Variants in LRIG1 observed in about 807,000 individuals in gnomAD.
The protein encoded by LRIG1 is leucine-rich repeats and immunoglobulin-like domains protein 1.
In LRIG1, 48 loss-of-function variants were observed where a neutral mutation model predicts 99.2. The ratio of observed to expected loss-of-function variants is 0.48; its 90% CI spans 0.38 to 0.62. The LOEUF (loss-of-function observed/expected upper bound fraction) is 0.62. LRIG1 is among the 20% of genes least tolerant of loss of function. LRIG1 has a pLI of 0.00. For synonymous variants in LRIG1, 772 were observed against 596.1 expected (o/e 1.29, Z -4.30); for missense variants, 1,646 against 1,434.4 (o/e 1.15, Z -2.38).
chr3:66,407,505 G>A lies in LRIG1; in HGVS notation c.936-14C>T, dbSNP rs776414576. ...AAGGACAGGACCCTGAGGAAAGGGAGGGCAGCAATGTCACCATCTAGTGTG... is the reference window on the plus strand; with the variant it reads ...AAGGACAGGACCCTGAGGAAAGGGAAGGCAGCAATGTCACCATCTAGTGTG... On this transcript the variant is annotated splice_polypyrimidine_tract_variant and intron_variant, in intron 7 of 18. Coordinates refer to ENST00000273261, the MANE Select transcript of LRIG1 (RefSeq NM_015541.3). The A allele has an allele frequency of 1.2e-6, 2 of 1,613,386 alleles. No individual in the cohort carries two copies. Among genetic ancestry groups the A allele is most frequent in the Non-Finnish European group, 1.7e-6 (2 of 1,179,562 alleles).
At chr3:66,462,401 A>C in intron 2 of LRIG1, 37 bp downstream of exon 2, 4 of 1,523,940 alleles carry the variant, frequency 2.6e-6, no homozygotes, top group Non-Finnish European at 3.6e-6. Context: ...AGAGCTCTCC[A>C]TCCTTCCATC....
intron 14 of LRIG1, 78 bp downstream of exon 14, chr3:66,383,913 G>A (rs1701232031): frequency 1.9e-6 from 3 of 1,543,332 alleles, no homozygotes; most frequent in Non-Finnish European, 2.6e-6. Flanking sequence ...ACCACCCCTG[G>A]CCACACAGAG....
chr3:66,382,424 C>T (rs778547990), intron 15 of LRIG1, 26 bp from the exon 16 acceptor site: 8 of 1,613,868 alleles, frequency 5.0e-6, no homozygotes, highest in Non-Finnish European at 6.8e-6. Flanking sequence ...ACAAATAGAA[C>T]ACCAGGGTCT....
chr3:66,494,489 A>C (rs943214857), intron 1 of LRIG1, among the ~76,000 whole-genome samples: 8 of 152,212 alleles, frequency 5.3e-5, no homozygotes, highest in African/African-American at 1.7e-4. Context: ...GCCCATTTAG[A>C]AGATATAAAG....
At chr3:66,398,233 AG>A (rs781366844) in intron 10 of LRIG1, 50 bp from the exon 11 acceptor site, 1 of 1,417,448 alleles carries the variant, frequency 7.1e-7, no homozygotes, top group South Asian at 1.2e-5. Context: ...GGTACACCTG[AG>A]GGGTTTTCAG....
At chr3:66,439,729 G>T (rs1012217118) in intron 3 of LRIG1, among the ~76,000 whole-genome samples, 1 of 152,184 alleles carries the variant, frequency 6.6e-6, no homozygotes, top group Non-Finnish European at 1.5e-5. Context: ...GCAAATGACA[G>T]TTGGGTGGGC....
intron 3 of LRIG1, among the ~76,000 whole-genome samples, chr3:66,426,095 A>G (rs1313410602): frequency 6.6e-6 from 1 of 152,204 alleles, no homozygotes; most frequent in East Asian, 1.9e-4. Context: ...AGGAGATCAA[A>G]GGCAGTTGGG....
intron 8 of LRIG1, 36 bp downstream of exon 8, chr3:66,407,312 G>C (rs1394196581): frequency 6.2e-7 from 1 of 1,612,894 alleles, no homozygotes; most frequent in African/African-American, 1.3e-5. Flanking sequence ...CTCCCCACTG[G>C]GGACCCCTTT....
chr3:66,387,270 G>C (rs1194692946), intron 12 of LRIG1: 1 of 151,912 alleles, frequency 6.6e-6, no homozygotes, highest in Non-Finnish European at 1.5e-5. Context: ...CATTCCTGGG[G>C]ATCTAGACAG....
intron 1 of LRIG1, among the ~76,000 whole-genome samples, chr3:66,478,574 C>A (rs1006503392): frequency 3.3e-5 from 5 of 152,200 alleles, no homozygotes; most frequent in African/African-American, 1.2e-4. Flanking sequence ...TTTCCTCCAA[C>A]AGCTGTTTAC....
In LRIG1 at chr3:66,403,463, C is replaced by T. The variant is rs116218563; in HGVS notation, c.1160+1735G>A. Among the ~76,000 whole-genome samples the T allele has an allele frequency of 2.3e-3, 344 of 152,158 alleles. 1 individual carries two copies. The highest frequency in any genetic ancestry group is 8.1e-3 in the African/African-American group (337 of 41,484). ...TCAGTGGCTGGGTGGGGTGAGGCTT[C>T]GATTTTAACAAGTTCCCAGGAGTCT... On this transcript the variant is annotated intron_variant, in intron 9 of 18. Coordinates refer to ENST00000273261, the MANE Select transcript of LRIG1 (RefSeq NM_015541.3).
intron 1 of LRIG1, among the ~76,000 whole-genome samples, chr3:66,478,463 T>G (rs1280930794): frequency 6.6e-6 from 1 of 152,106 alleles, no homozygotes; most frequent in African/African-American, 2.4e-5. Context: ...AGCACACAGG[T>G]GTTTATTAAG....
intron 7 of LRIG1, 138 bp from the exon 8 acceptor site, chr3:66,407,629 ACACACC>A: frequency 1.2e-6 from 1 of 847,312 alleles, no homozygotes; most frequent in Non-Finnish European, 1.9e-6. Context: ...GCGTGCACAC[ACACACC>A]CACACCCACA....
At chr3:66,454,299 C>A (rs932791183) in intron 2 of LRIG1, among the ~76,000 whole-genome samples, 5 of 152,144 alleles carry the variant, frequency 3.3e-5, no homozygotes, top group Non-Finnish European at 7.3e-5. Flanking sequence ...CAGCAGAGGC[C>A]CAGCTCACTC....
In LRIG1 at chr3:66,500,455, C is replaced by G. The variant is rs974346580; in HGVS notation, c.-48G>C. On this transcript the variant is annotated 5_prime_UTR_variant, in exon 1 of 19. Transcript: ENST00000273261. Reference sequence around the variant, plus strand: ...CTCCGGGCGCGGGGACTGTGAGGACCCGAACGGCCGCAGACGCGGGCGGGC... The same window carrying G: ...CTCCGGGCGCGGGGACTGTGAGGACGCGAACGGCCGCAGACGCGGGCGGGC... 19 of 1,195,606 alleles carry G rather than the reference C, an allele frequency of 1.6e-5. No individual in the cohort carries two copies. The African/African-American group carries it at 3.0e-4, about 19-fold the overall frequency. 74.1% of individuals were successfully genotyped at this position (1,195,606 alleles called of 1,614,324 possible).
At chr3:66,461,918 A>G (rs1482287571) in intron 2 of LRIG1, among the ~76,000 whole-genome samples, 1 of 152,190 alleles carries the variant, frequency 6.6e-6, no homozygotes, top group African/African-American at 2.4e-5. Context: ...CCATCCTTCT[A>G]TAACTTCACT....
In LRIG1 at chr3:66,500,175, A is replaced by G; in HGVS notation, c.218+15T>C. The G allele has an allele frequency of 1.3e-6, 2 of 1,511,456 alleles. No homozygotes were observed. The highest frequency in any genetic ancestry group is 1.8e-6 in the Non-Finnish European group (2 of 1,134,970). 93.6% of individuals were successfully genotyped at this position (1,511,456 alleles called of 1,614,324 possible). A position where few individuals can be genotyped will look rare whatever the true frequency, so the allele number is the denominator to read the frequency against. The stretch of plus-strand genomic sequence containing the variant: ...AGCCCCGGGGCGCAGAGAGGGCGGA[A>G]AGGGCGGCACTCACAGGCTCCGCGT... On this transcript the variant is annotated intron_variant, in intron 1 of 18. Coordinates refer to ENST00000273261, the MANE Select transcript of LRIG1 (RefSeq NM_015541.3).
At position 66,380,706 on chromosome 3, in the gene LRIG1, G is replaced by A. The variant is rs2107913696; in HGVS notation, c.2926C>T (p.Pro976Ser). ...EPGGSDQEHS[P>S]HHQCSRTAAG... ...GCAGTCCTGCTGCACTGGTGATGTG[G>A]AGAATGCTCTTGGTCACTCCCACCC... Residue 976 changes from proline to serine, a missense_variant, in exon 18 of 19, where the codon CCA becomes TCA. By Grantham distance (74) the Pro-to-Ser change is moderately conservative. Transcript: ENST00000273261. 6.2e-7 allele frequency: 1 copy of A among 1,614,224 alleles called. No homozygotes were observed. The highest frequency in any genetic ancestry group is 2.2e-5 in the East Asian group (1 of 44,882).
At chr3:66,382,950 C>CTT in intron 15 of LRIG1, 32 bp downstream of exon 15, 2 of 1,565,536 alleles carry the variant, frequency 1.3e-6, no homozygotes. Flanking sequence ...TTCCTCCCTC[C>CTT]TTGAAAGTCA....
Sources: gnomAD v4.1 joint callset for allele counts (sites outside exome capture counted in the v4.1 genomes callset) on GRCh38, gnomAD v4.1.1 for gene constraint, MANE v1.5 for transcripts, NCBI Gene and HGNC (gene_info 2026-07-23, HGNC 2026-07-21) for gene names.